Variants in CCDC102B observed in about 807,000 individuals in gnomAD.
CCDC102B encodes coiled-coil domain-containing protein 102B.
Under a neutral mutation model 57.4 loss-of-function variants are expected in CCDC102B, and 75 were observed. The observed-to-expected ratio is 1.31, with a 90% CI of 1.08 to 1.58. The LOEUF is 1.58. CCDC102B is among the 40% of genes most tolerant of loss of function. The pLI is 0.00. For synonymous variants in CCDC102B, 206 were observed against 201.9 expected (o/e 1.02, Z -0.17); for missense variants, 636 against 582.6 (o/e 1.09, Z -0.94).
intron 7 of CCDC102B, among the ~76,000 whole-genome samples, chr18:69,037,556 A>G (rs1186447779): frequency 6.6e-6 from 1 of 151,980 alleles, no homozygotes; most frequent in Non-Finnish European, 1.5e-5. Flanking sequence ...TTTGAGCCCC[A>G]CCTAGACTCA....
At chr18:68,807,552 T>C (rs12458516) in intron 1 of CCDC102B, among the ~76,000 whole-genome samples, 1,616 of 152,290 alleles carry the variant, frequency 0.011, 19 homozygotes, top group East Asian at 0.054. Context: ...TGTAAGAGTT[T>C]AATCTGGTCT....
chr18:68,816,134 C>T (rs761549697), intron 1 of CCDC102B, among the ~76,000 whole-genome samples: 1 of 152,282 alleles, frequency 6.6e-6, no homozygotes, highest in South Asian at 2.1e-4. Context: ...ATACCCTCTA[C>T]CTTCACTGAA....
intron 4 of CCDC102B, among the ~76,000 whole-genome samples, chr18:68,857,237 T>G (rs1348053861): frequency 4.8e-5 from 4 of 82,486 alleles, no homozygotes; most frequent in African/African-American, 9.1e-5. Flanking sequence ...TTTTTATATA[T>G]AAATATATAT....
chr18:68,741,157 T>C (rs2033364008), intron 2 of CCDC102B, among the ~76,000 whole-genome samples: 1 of 152,214 alleles, frequency 6.6e-6, no homozygotes, highest in Non-Finnish European at 1.5e-5. Flanking sequence ...AGTGTTAACT[T>C]TGGCCAGTGA....
chr18:68,912,668 T>G (rs963908178), intron 6 of CCDC102B, among the ~76,000 whole-genome samples: 1 of 152,188 alleles, frequency 6.6e-6, no homozygotes, highest in East Asian at 1.9e-4. Context: ...AAATGTGTGG[T>G]CCAACTTATA....
intron 5 of CCDC102B, among the ~76,000 whole-genome samples, chr18:68,881,125 A>G (rs2039680012): frequency 6.6e-6 from 1 of 152,232 alleles, no homozygotes; most frequent in South Asian, 2.1e-4. Flanking sequence ...TTTATTAACC[A>G]ATGAGTGGAA....
At position 69,054,162 on chromosome 18, in the gene CCDC102B, A is replaced by C; in HGVS notation, c.*25A>C. 1 of 1,576,874 alleles carries C rather than the reference A, an allele frequency of 6.3e-7. No individual in the cohort carries two copies. On this transcript the variant is annotated 3_prime_UTR_variant, in exon 8 of 8. Coordinates refer to ENST00000360242, the MANE Select transcript of CCDC102B (RefSeq NM_024781.3). ...ATTTTTTCACAAAATATGCTGAATT[A>C]AAGATTAGGGCCTTAAAGACATTTC...
chr18:68,846,486 G>A (rs1343506060), intron 4 of CCDC102B, 65 bp downstream of exon 4: 4 of 1,053,542 alleles, frequency 3.8e-6, no homozygotes, highest in Admixed American at 5.5e-5. Flanking sequence ...GGATATGTAA[G>A]CATGTGGGCA....
chr18:68,995,480 C>G (rs1451030967), intron 6 of CCDC102B, among the ~76,000 whole-genome samples: 1 of 152,030 alleles, frequency 6.6e-6, no homozygotes, highest in Non-Finnish European at 1.5e-5. Context: ...GACTTGGTGC[C>G]CAGCATCCCA....
At chr18:69,016,911 C>G (rs2051684401) in intron 7 of CCDC102B, among the ~76,000 whole-genome samples, 1 of 152,034 alleles carries the variant, frequency 6.6e-6, no homozygotes, top group African/African-American at 2.4e-5. Flanking sequence ...TAGCAATCTT[C>G]TTTGGTTCTC....
At chr18:68,971,894 AT>A (rs1447455056) in intron 6 of CCDC102B, among the ~76,000 whole-genome samples, 1 of 152,052 alleles carries the variant, frequency 6.6e-6, no homozygotes, top group Non-Finnish European at 1.5e-5. Context: ...AGATAGAAAC[AT>A]TTGTGATTGT....
At chr18:68,847,811 A>G (rs935994030) in intron 4 of CCDC102B, among the ~76,000 whole-genome samples, 1 of 151,820 alleles carries the variant, frequency 6.6e-6, no homozygotes, top group Non-Finnish European at 1.5e-5. Context: ...TTTCAGTTAA[A>G]TGAACCACAA....
chr18:69,050,611 A>C (rs2052680848), intron 7 of CCDC102B, among the ~76,000 whole-genome samples: 1 of 152,186 alleles, frequency 6.6e-6, no homozygotes, highest in Admixed American at 6.6e-5. Context: ...GCAATCTATA[A>C]ATGTTATCTT....
intron 6 of CCDC102B, among the ~76,000 whole-genome samples, chr18:68,914,969 T>TC (rs1340768414): frequency 4.5e-5 from 2 of 44,466 alleles, no homozygotes; most frequent in African/African-American, 1.7e-4. Context: ...TAGGCACTAC[T>TC]GGGGGGAGAG....
In CCDC102B at chr18:68,923,525, A is replaced by G. The variant is rs551244044; in HGVS notation, c.1263+26097A>G. On this transcript the variant is annotated intron_variant, in intron 6 of 7. Coordinates refer to ENST00000360242, the MANE Select transcript of CCDC102B (RefSeq NM_024781.3). Reference sequence around the variant, plus strand: ...ATGCCTTGTGCTATGTATGGTGTGAATATGACATCATAAAAAGTTAGCTGA... The same window carrying G: ...ATGCCTTGTGCTATGTATGGTGTGAGTATGACATCATAAAAAGTTAGCTGA... Among the ~76,000 whole-genome samples the G allele has an allele frequency of 7.9e-5, 12 of 152,124 alleles. No homozygotes were observed. The South Asian group carries it at 2.5e-3, about 32-fold the overall frequency.
intron 6 of CCDC102B, among the ~76,000 whole-genome samples, chr18:69,010,479 C>CAGA (rs112740868): frequency 0.13 from 19,270 of 151,968 alleles, 2,647 homozygotes; most frequent in African/African-American, 0.34. Flanking sequence ...CATGTGGTTT[C>CAGA]AGATGTGGCA....
Position 68,846,410 on chromosome 18 carries a change from A to G in CCDC102B, c.925A>G (p.Asn309Asp), listed in dbSNP as rs1249249531. The stretch of plus-strand genomic sequence containing the variant: ...AGAACTGAAAGAATCAAAGCCAAAA[A>G]ATGTGAAAGAGGTATGGGGGAATAT... Reference protein sequence around the residue: ...YEELKESKPKNVKEFDILLGQ... With the variant: ...YEELKESKPKDVKEFDILLGQ... Residue 309 changes from asparagine to aspartate, a missense_variant, in exon 4 of 8, where the codon AAT becomes GAT. By Grantham distance (23) the Asn-to-Asp change is conservative. Transcript: ENST00000360242. The G allele has an allele frequency of 6.3e-7, 1 of 1,576,254 alleles. No individual in the cohort carries two copies. Among genetic ancestry groups the G allele is most frequent in the Admixed American group, 1.9e-5 (1 of 52,868 alleles).
At chr18:68,767,785 G>A (rs928541643) in intron 2 of CCDC102B, among the ~76,000 whole-genome samples, 3 of 151,952 alleles carry the variant, frequency 2.0e-5, no homozygotes, top group African/African-American at 7.2e-5. Flanking sequence ...ATATATTCAA[G>A]TTTTTCTTCC....
chr18:68,995,586 A>G (rs2051003382), intron 6 of CCDC102B, among the ~76,000 whole-genome samples: 1 of 152,106 alleles, frequency 6.6e-6, no homozygotes. Context: ...TTCGGCCTGT[A>G]GGTGCACAGA....
Sources: allele counts gnomAD v4.1 joint callset (sites outside exome capture counted in the v4.1 genomes callset), GRCh38; gene constraint gnomAD v4.1.1; transcripts MANE v1.5; gene names NCBI Gene and HGNC (gene_info 2026-07-23, HGNC 2026-07-21).